KIAA1549: variants seen among roughly 807,000 people sequenced by gnomAD.
The protein encoded by KIAA1549 is UPF0606 protein KIAA1549.
Under a neutral mutation model 156.4 loss-of-function variants are expected in KIAA1549, and 70 were observed. The observed-to-expected ratio is 0.45, with a 90% CI of 0.37 to 0.55. KIAA1549 has a LOEUF of 0.55. Ranked by LOEUF, KIAA1549 falls within the 20% of genes least tolerant of loss-of-function variation. The pLI, the probability that KIAA1549 is intolerant of heterozygous loss-of-function variation, is 0.00. For synonymous variants in KIAA1549, 1,103 were observed against 1,066.4 expected, an observed-to-expected ratio of 1.03 and a Z score of -0.67; for missense variants, 2,428 against 2,540.9, an observed-to-expected ratio of 0.96 and a Z score of 0.96.
At chr7:138,924,855 A>C (rs550829720) in intron 1 of KIAA1549, among the ~76,000 whole-genome samples, 1 of 152,108 alleles carries the variant, frequency 6.6e-6, no homozygotes, top group Non-Finnish European at 1.5e-5. Context: ...AGGTTCACAA[A>C]AGAGAGAAAG....
chr7:138,877,374 AT>A (rs1265645912), intron 12 of KIAA1549, among the ~76,000 whole-genome samples: 2 of 152,108 alleles, frequency 1.3e-5, no homozygotes, highest in Non-Finnish European at 2.9e-5. Context: ...TACGTCTGTA[AT>A]CCCAGCTACT....
At chr7:138,928,981 C>G (rs1027283550) in intron 1 of KIAA1549, among the ~76,000 whole-genome samples, 2 of 152,150 alleles carry the variant, frequency 1.3e-5, no homozygotes, top group South Asian at 2.1e-4. Flanking sequence ...ATTGTCTAAG[C>G]CTTCAGCGAG....
At chr7:138,861,690 TAAA>T (rs1195358738) in intron 15 of KIAA1549, among the ~76,000 whole-genome samples, 1 of 90,254 alleles carries the variant, frequency 1.1e-5, no homozygotes. Context: ...CCCCCATCTC[TAAA>T]AAAAAAAAAA....
chr7:138,969,376 C>T lies in KIAA1549; in HGVS notation c.187+11707G>A, dbSNP rs7791097. 7.9e-5 allele frequency among the ~76,000 whole-genome samples: 12 copies of T among 152,106 alleles called. No individual in the cohort carries two copies. The South Asian group carries it at 1.2e-3, about 16-fold the overall frequency. ...CTAGGGACCTCACGTAAGTGGAATC[C>T]TACAGTATTTGTCCTTTCATGACTG... is the stretch of plus-strand genomic sequence containing the variant. On this transcript the variant is annotated intron_variant, in intron 1 of 19. Coordinates refer to ENST00000422774, the MANE Select transcript of KIAA1549 (RefSeq NM_001164665.2).
At chr7:138,844,580 C>A in intron 17 of KIAA1549, 106 bp from the exon 18 acceptor site, 1 of 1,071,604 alleles carries the variant, frequency 9.3e-7, no homozygotes, top group South Asian at 2.2e-5. Flanking sequence ...ATTTGTCTAC[C>A]TGCTTAGCCA....
chr7:138,876,155 A>G (rs1257102928), intron 12 of KIAA1549, among the ~76,000 whole-genome samples: 1 of 152,224 alleles, frequency 6.6e-6, no homozygotes, highest in Non-Finnish European at 1.5e-5. Context: ...GGATGACTCA[A>G]TGACTACAGT....
At chr7:138,925,563 T>C (rs1243965585) in intron 1 of KIAA1549, among the ~76,000 whole-genome samples, 1 of 152,254 alleles carries the variant, frequency 6.6e-6, no homozygotes, top group African/African-American at 2.4e-5. Flanking sequence ...CTCACCGCTA[T>C]AATCCAAGCA....
chr7:138,897,427 T>C (rs907016646), intron 9 of KIAA1549, among the ~76,000 whole-genome samples: 1 of 152,210 alleles, frequency 6.6e-6, no homozygotes, highest in Non-Finnish European at 1.5e-5. Context: ...TCAAGGATAA[T>C]TTAAAAGCTA....
In KIAA1549 at chr7:138,918,800, CCT is replaced by C. The variant is rs1563077858; in HGVS notation, c.824_825del (p.Glu275GlyfsTer49). The C allele has an allele frequency of 6.2e-7, 1 of 1,613,872 alleles. No individual in the cohort carries two copies. The highest frequency in any genetic ancestry group is 2.2e-5 in the East Asian group (1 of 44,858). ...CTTAAAAAAAGGGTGGTTTCCACAC[CCT>C]CTGTTAGGGAAGCCACAATCTCTGG... ...TLPEIVASLTEGVETTLFLSS... is the reference protein window; with the variant it reads ...TLPEIVASLTXGVETTLFLSS... On this transcript the variant is annotated frameshift_variant, in exon 2 of 20. Coordinates refer to ENST00000422774, the MANE Select transcript of KIAA1549 (RefSeq NM_001164665.2). LOFTEE classifies it high-confidence loss of function. This position sits in a 1 kb window ranked among gnomAD's most constrained non-coding sequence, Gnocchi z 4.2.
In KIAA1549 at chr7:138,911,410, T is replaced by C. The variant is rs1584749573; in HGVS notation, c.2968-87A>G. ...ATAAAAAATTATAAACTAAAAAAAC[T>C]GGTAGTTTTGAATGAAGGGGTAGTG... On this transcript the variant is annotated intron_variant, in intron 3 of 19. Coordinates refer to ENST00000422774, the MANE Select transcript of KIAA1549 (RefSeq NM_001164665.2). 7 of 1,042,566 alleles carry C rather than the reference T, an allele frequency of 6.7e-6. No homozygotes were observed. The East Asian group carries it at 1.6e-4, about 24-fold the overall frequency. 64.6% of individuals were successfully genotyped at this position (1,042,566 alleles called of 1,614,324 possible).
chr7:138,966,054 C>A (rs1260497209), intron 1 of KIAA1549, among the ~76,000 whole-genome samples: 1 of 152,188 alleles, frequency 6.6e-6, no homozygotes, highest in Admixed American at 6.5e-5. Context: ...CCCCCCAATA[C>A]CTGCTTGTCT....
chr7:138,957,052 G>A (rs1446762818), intron 1 of KIAA1549, among the ~76,000 whole-genome samples: 1 of 152,186 alleles, frequency 6.6e-6, no homozygotes, highest in Non-Finnish European at 1.5e-5. Flanking sequence ...GTCTTCCTGA[G>A]GGAAGTACAG....
chr7:138,844,834 T>C (rs562575156), intron 17 of KIAA1549, among the ~76,000 whole-genome samples: 2 of 152,096 alleles, frequency 1.3e-5, no homozygotes, highest in East Asian at 1.9e-4. Flanking sequence ...CCCAGACGAA[T>C]TGAAACAGAA....
Position 138,959,109 on chromosome 7 carries a change from A to G in KIAA1549, c.187+21974T>C, listed in dbSNP as rs1158902281. 2.6e-5 allele frequency among the ~76,000 whole-genome samples: 4 copies of G among 152,228 alleles called. No homozygotes were observed. In the East Asian group the frequency reaches 7.7e-4, roughly 29 times the overall value. On this transcript the variant is annotated intron_variant, in intron 1 of 19. Coordinates refer to ENST00000422774, the MANE Select transcript of KIAA1549 (RefSeq NM_001164665.2). ...GAGACGGGGTTTCACCATGTTGGCC[A>G]AGCTGGTCTCCAACTCCTGACTTCA... is the stretch of plus-strand genomic sequence containing the variant.
chr7:138,922,270 C>T (rs1407465445), intron 1 of KIAA1549, among the ~76,000 whole-genome samples: 2 of 152,188 alleles, frequency 1.3e-5, no homozygotes, highest in Non-Finnish European at 2.9e-5. Context: ...GTCTCCAGCG[C>T]CTGTCAGAAA....
chr7:138,973,741 C>T (rs549267794), intron 1 of KIAA1549, among the ~76,000 whole-genome samples: 16 of 152,274 alleles, frequency 1.1e-4, no homozygotes, highest in Middle Eastern at 3.4e-3. Flanking sequence ...ACCTGCTGGG[C>T]TCAAGCAATC....
At position 138,920,146 on chromosome 7, in the gene KIAA1549, TCTCACCCCC is replaced by T. The variant is rs1207199625; in HGVS notation, c.188-717_188-709del. Reference sequence around the variant, plus strand: ...CTCTGGCCTCCATGGCTGTGCACATTCTCACCCCCGCCTGGAATGCCCTTCCCAGCTCTC... The same window carrying T: ...CTCTGGCCTCCATGGCTGTGCACATTGCCTGGAATGCCCTTCCCAGCTCTC... On this transcript the variant is annotated intron_variant, in intron 1 of 19. Transcript: ENST00000422774. Among the ~76,000 whole-genome samples the T allele has an allele frequency of 1.7e-3, 249 of 145,760 alleles. 1 individual carries two copies. The highest frequency in any genetic ancestry group is 3.9e-3 in the Middle Eastern group (1 of 256).
intron 10 of KIAA1549, among the ~76,000 whole-genome samples, chr7:138,891,808 G>C (rs1811555244): frequency 6.6e-6 from 1 of 152,208 alleles, no homozygotes; most frequent in Non-Finnish European, 1.5e-5. Context: ...TGAAGTCATA[G>C]GGGAGGGTGA....
At chr7:138,862,393 A>G (rs1162101637) in intron 15 of KIAA1549, among the ~76,000 whole-genome samples, 1 of 151,830 alleles carries the variant, frequency 6.6e-6, no homozygotes, top group Non-Finnish European at 1.5e-5. Flanking sequence ...AGTGCCAGCT[A>G]CTCACAAGGC....
Sources: gnomAD v4.1 joint callset for allele counts (sites outside exome capture counted in the v4.1 genomes callset) on GRCh38, gnomAD v4.1.1 for gene constraint, Gnocchi (gnomAD v3.1) non-coding constraint, MANE v1.5 for transcripts, NCBI Gene and HGNC (gene_info 2026-07-23, HGNC 2026-07-21) for gene names.